The following PYHIN1 variants were observed in gnomAD, a reference collection of about 807,000 sequenced individuals.
PYHIN1 encodes the protein pyrin and HIN domain family member 1.
A neutral mutation model predicts 43.7 loss-of-function variants in PYHIN1; 32 were observed. The ratio of observed to expected loss-of-function variants is 0.73; its 90% confidence interval spans 0.55 to 0.98. The LOEUF is 0.98. PYHIN1 is among the 50% of genes least tolerant of loss of function. The probability of loss-of-function intolerance (pLI) is 0.00; values close to 1 mark genes in which losing one functional copy is unlikely to be tolerated. For missense variants in PYHIN1, 588 were observed against 589.5 expected, an observed-to-expected ratio of 1.00 and a Z score of 0.03; for synonymous variants, 205 against 203.1, an observed-to-expected ratio of 1.01 and a Z score of -0.08.
At chr1:158,959,417 G>C (rs2570918) in intron 7 of PYHIN1, among the ~76,000 whole-genome samples, 4 of 152,218 alleles carry the variant, frequency 2.6e-5, no homozygotes, top group African/African-American at 9.6e-5. Flanking sequence ...TTATGCACCC[G>C]CGGTTGATCA....
chr1:158,950,540 G>A (rs540611827), intron 7 of PYHIN1, among the ~76,000 whole-genome samples: 2 of 152,258 alleles, frequency 1.3e-5, no homozygotes, highest in East Asian at 3.9e-4. Flanking sequence ...TCTTCCCCAC[G>A]TTAATAATTC....
At chr1:158,979,503 A>G (rs1214395426), downstream of PYHIN1, among the ~76,000 whole-genome samples, 2 of 151,816 alleles carry the variant, frequency 1.3e-5, no homozygotes, top group Non-Finnish European at 2.9e-5. Context: ...CTATTGCAGA[A>G]TTTCCTTCAT....
At chr1:158,937,944 C>CAAAA (rs11444947) in intron 2 of PYHIN1, among the ~76,000 whole-genome samples, 4 of 114,188 alleles carry the variant, frequency 3.5e-5, no homozygotes, top group Admixed American at 9.1e-5. Flanking sequence ...GACTCCGTCT[C>CAAAA]AAAAAAAAAA....
chr1:158,983,951 G>A, the PYHIN1 span, among the ~76,000 whole-genome samples: 1 of 17,044 alleles, frequency 5.9e-5, no homozygotes, highest in Non-Finnish European at 8.1e-3. Context: ...TGGTCTTTGA[G>A]AGTTTTTGTA....
chr1:158,942,510 C>G (rs527421475), intron 5 of PYHIN1, 111 bp downstream of exon 5: 29 of 792,896 alleles, frequency 3.7e-5, no homozygotes, highest in Non-Finnish European at 5.6e-5. Flanking sequence ...ACTCAGGACT[C>G]TCTCAAAACT....
At chr1:158,985,459 A>G in the PYHIN1 span, among the ~76,000 whole-genome samples, 1 of 152,188 alleles carries the variant, frequency 6.6e-6, no homozygotes, top group South Asian at 2.1e-4. Context: ...TCTTTTGTTT[A>G]AGAATGCTGA....
At chr1:158,977,741 T>C (rs1291278685), downstream of PYHIN1, among the ~76,000 whole-genome samples, 1 of 152,112 alleles carries the variant, frequency 6.6e-6, no homozygotes. Flanking sequence ...TTACTCTCCA[T>C]ATATAAAGAA....
intron 4 of PYHIN1, chr1:158,940,048 A>C (rs1173341663): frequency 6.5e-6 from 1 of 153,322 alleles, no homozygotes; most frequent in African/African-American, 2.4e-5. Flanking sequence ...ACATGGTGAA[A>C]CACTATCTCT....
chr1:158,974,376 A>C (rs1651125517), intron 8 of PYHIN1, among the ~76,000 whole-genome samples: 2 of 152,212 alleles, frequency 1.3e-5, no homozygotes, highest in African/African-American at 4.8e-5. Context: ...AAATTCTAAT[A>C]ATAAAGTGTT....
intron 1 of PYHIN1, among the ~76,000 whole-genome samples, chr1:158,932,361 G>A (rs901770313): frequency 3.9e-5 from 6 of 152,132 alleles, no homozygotes; most frequent in South Asian, 2.1e-4. Context: ...GTACTATGTC[G>A]CTACCTTGGT....
intron 5 of PYHIN1, among the ~76,000 whole-genome samples, chr1:158,942,866 A>T (rs187627574): frequency 7.2e-5 from 11 of 152,334 alleles, no homozygotes; most frequent in African/African-American, 2.2e-4. Context: ...ATACCTGGAA[A>T]TCAATTGCAG....
intron 7 of PYHIN1, among the ~76,000 whole-genome samples, chr1:158,949,385 T>A (rs1160859722): frequency 6.6e-6 from 1 of 152,194 alleles, no homozygotes; most frequent in African/African-American, 2.4e-5. Context: ...TGTTTTGTTT[T>A]GTTTTTATTA....
chr1:158,943,397 C>T (rs1649041163), intron 5 of PYHIN1, among the ~76,000 whole-genome samples: 2 of 152,114 alleles, frequency 1.3e-5, no homozygotes, highest in Non-Finnish European at 2.9e-5. Flanking sequence ...TTACAGATTC[C>T]TCATAACATA....
At chr1:158,980,932 C>T (rs535099178), downstream of PYHIN1, among the ~76,000 whole-genome samples, 2 of 152,106 alleles carry the variant, frequency 1.3e-5, no homozygotes, top group Non-Finnish European at 2.9e-5. Flanking sequence ...GAGACTCAGG[C>T]GGGCATCATG....
chr1:158,950,037 G>A (rs1483014292), intron 7 of PYHIN1, among the ~76,000 whole-genome samples: 1 of 152,194 alleles, frequency 6.6e-6, no homozygotes, highest in Non-Finnish European at 1.5e-5. Flanking sequence ...AGTCCAATGT[G>A]TGCCATTATT....
At chr1:158,987,504 T>C in the PYHIN1 span, among the ~76,000 whole-genome samples, 2 of 152,204 alleles carry the variant, frequency 1.3e-5, no homozygotes, top group Non-Finnish European at 2.9e-5. Context: ...TCTTCTCATA[T>C]TCTTGATAAT....
intron 7 of PYHIN1, among the ~76,000 whole-genome samples, chr1:158,952,493 A>AT (rs1488396807): frequency 6.6e-5 from 10 of 152,018 alleles, no homozygotes; most frequent in African/African-American, 1.9e-4. Flanking sequence ...AGCATATCCC[A>AT]TTTTTTTTCC....
intron 7 of PYHIN1, among the ~76,000 whole-genome samples, chr1:158,969,883 G>A (rs1162312189): frequency 2.6e-5 from 4 of 151,900 alleles, no homozygotes; most frequent in Non-Finnish European, 4.4e-5. Flanking sequence ...TTAGAAAGAG[G>A]CATGTATCTC....
chr1:158,971,276 T>C (rs1429617604), intron 7 of PYHIN1, among the ~76,000 whole-genome samples: 1 of 151,814 alleles, frequency 6.6e-6, no homozygotes, highest in Non-Finnish European at 1.5e-5. Flanking sequence ...TGAGAGTGAT[T>C]TGATATTGGA....
Sources: allele counts gnomAD v4.1 joint callset (sites outside exome capture counted in the v4.1 genomes callset), GRCh38; gene constraint gnomAD v4.1.1; transcripts MANE v1.5; gene names NCBI Gene and HGNC (gene_info 2026-07-23, HGNC 2026-07-21).